Variants in RAP1B observed in about 807,000 individuals in gnomAD.
RAP1B encodes the protein ras-related protein Rap-1b.
In RAP1B, 1 loss-of-function variant was observed where a neutral mutation model predicts 27.5. The ratio of observed to expected loss-of-function variants is 0.04; its 90% CI spans 0.01 to 0.17. The LOEUF is 0.17. RAP1B is among the 10% of genes least tolerant of loss of function. The probability of loss-of-function intolerance (pLI) is 1.00; values close to 1 mark genes in which losing one functional copy is unlikely to be tolerated. For missense variants in RAP1B, 84 were observed against 214.8 expected (o/e 0.39, Z 3.81); for synonymous variants, 75 against 73.1 (o/e 1.03, Z -0.13).
intron 1 of RAP1B, among the ~76,000 whole-genome samples, chr12:68,621,283 C>T (rs1871368670): frequency 6.6e-6 from 1 of 152,192 alleles, no homozygotes; most frequent in Non-Finnish European, 1.5e-5. Context: ...TCTAGCAATT[C>T]TGAATTAGGG....
chr12:68,650,204 T>C, intron 2 of RAP1B, 196 bp from the exon 3 acceptor site: 1 of 410,600 alleles, frequency 2.4e-6, no homozygotes. Context: ...AGGAGCATAG[T>C]GATTATTTAT....
chr12:68,620,020 T>C (rs1346422479), intron 1 of RAP1B, among the ~76,000 whole-genome samples: 1 of 152,118 alleles, frequency 6.6e-6, no homozygotes, highest in East Asian at 1.9e-4. Context: ...TTTTAAAATA[T>C]TTGATAACTT....
In RAP1B at chr12:68,670,305, C is replaced by T. The variant is rs1376875110; in HGVS notation, c.*11056C>T. ...GCACAACTAACTATCTGTCTAAAGA[C>T]AATAAAAGTTCAACCCCTATATCAT... On this transcript the variant is annotated 3_prime_UTR_variant, in exon 8 of 8. Transcript: ENST00000250559. 2 of 152,050 alleles carry T rather than the reference C, an allele frequency of 1.3e-5. No individual in the cohort carries two copies. The highest frequency in any genetic ancestry group is 1.3e-4 in the Admixed American group (2 of 15,266). The allele number at this position is 152,050 out of a possible 1,614,324, so 9.4% of individuals were successfully genotyped here.
intron 1 of RAP1B, chr12:68,641,067 A>G (rs1388829936): frequency 1.3e-5 from 2 of 152,254 alleles, no homozygotes; most frequent in Admixed American, 6.5e-5. Context: ...GCTGGAGTGC[A>G]GTGGCACAAA....
At chr12:68,614,564 A>T (rs1160599245) in intron 1 of RAP1B, among the ~76,000 whole-genome samples, 1 of 152,238 alleles carries the variant, frequency 6.6e-6, no homozygotes, top group Admixed American at 6.5e-5. Flanking sequence ...ACTTTCTGAG[A>T]CATAGGTTGT....
At chr12:68,641,948 A>G (rs1873038888) in intron 1 of RAP1B, among the ~76,000 whole-genome samples, 1 of 152,210 alleles carries the variant, frequency 6.6e-6, no homozygotes, top group African/African-American at 2.4e-5. Context: ...ATAATTGTGT[A>G]TGTGCCTACA....
At chr12:68,645,732 C>T (rs1429659633) in intron 1 of RAP1B, among the ~76,000 whole-genome samples, 2 of 152,152 alleles carry the variant, frequency 1.3e-5, no homozygotes, top group African/African-American at 4.8e-5. Flanking sequence ...AGTTGGCATT[C>T]GCAATAAAAA....
intron 1 of RAP1B, among the ~76,000 whole-genome samples, chr12:68,645,168 T>C (rs988705560): frequency 6.6e-6 from 1 of 152,242 alleles, no homozygotes; most frequent in African/African-American, 2.4e-5. Flanking sequence ...ATCCCTATCC[T>C]CATGGAGTTT....
In RAP1B at chr12:68,650,615, C is replaced by T. The variant is rs145835503; in HGVS notation, c.126+147C>T. On this transcript the variant is annotated intron_variant, in intron 3 of 7. Coordinates refer to ENST00000250559, the MANE Select transcript of RAP1B (RefSeq NM_001010942.3). ...GAAAAGTTTACACTTTCTGGCATTG[C>T]ATAGTTACCAGTTTAAGAGGATCAT... is the stretch of plus-strand genomic sequence containing the variant. The T allele has an allele frequency of 9.3e-3, 6,718 of 723,148 alleles. 52 individuals carry two copies. Among genetic ancestry groups the T allele is most frequent in the Non-Finnish European group, 0.012 (5,904 of 503,964 alleles). 44.8% of individuals were successfully genotyped at this position (723,148 alleles called of 1,614,324 possible).
Position 68,670,163 on chromosome 12 carries a change from C to G in RAP1B, c.*10914C>G, listed in dbSNP as rs1354634816. The G allele has an allele frequency of 6.6e-6, 1 of 151,928 alleles. No homozygotes were observed. The highest frequency in any genetic ancestry group is 1.5e-5 in the Non-Finnish European group (1 of 68,020). The allele number at this position is 151,928 out of a possible 1,614,324, so 9.4% of individuals were successfully genotyped here. On this transcript the variant is annotated 3_prime_UTR_variant, in exon 8 of 8. Transcript: ENST00000250559. ...GTTGGTCAGGCTAGTTGCGAACTCC[C>G]AACCTCAGGTCATCTGCCCGCCTCA...
intron 1 of RAP1B, among the ~76,000 whole-genome samples, chr12:68,617,693 CTGT>C (rs1871124450): frequency 6.6e-6 from 1 of 152,126 alleles, no homozygotes; most frequent in Non-Finnish European, 1.5e-5. Flanking sequence ...TGATGACATA[CTGT>C]TGTTAGAGTT....
Position 68,666,045 on chromosome 12 carries a change from GT to G in RAP1B, c.*6799del, listed in dbSNP as rs1189308769. ...TTTTTCTATTTTTAGTAGAGACGGG[GT>G]TTCGCCATCTTGGCCAGGCTGGTCT... On this transcript the variant is annotated 3_prime_UTR_variant, in exon 8 of 8. Transcript: ENST00000250559. 2 of 152,176 alleles carry G rather than the reference GT, an allele frequency of 1.3e-5. No individual in the cohort carries two copies. Among genetic ancestry groups the G allele is most frequent in the Non-Finnish European group, 2.9e-5 (2 of 68,068 alleles). 9.4% of individuals were successfully genotyped at this position (152,176 alleles called of 1,614,324 possible). A position where few individuals can be genotyped will look rare whatever the true frequency, so the allele number is the denominator to read the frequency against.
intron 1 of RAP1B, among the ~76,000 whole-genome samples, chr12:68,624,337 A>G (rs1202081827): frequency 2.0e-5 from 3 of 152,222 alleles, no homozygotes; most frequent in African/African-American, 7.2e-5. Context: ...TTGAGAGCTC[A>G]TAACTACAGT....
intron 1 of RAP1B, among the ~76,000 whole-genome samples, chr12:68,617,436 G>A (rs1315204000): frequency 6.6e-6 from 1 of 152,168 alleles, no homozygotes; most frequent in Non-Finnish European, 1.5e-5. Flanking sequence ...TATAACATAT[G>A]TTATCTGTTG....
intron 6 of RAP1B, 78 bp downstream of exon 6, chr12:68,656,527 A>G (rs920213994): frequency 1.5e-5 from 21 of 1,414,050 alleles, no homozygotes; most frequent in Non-Finnish European, 2.0e-5. Flanking sequence ...CTTAACCCCA[A>G]GTTAATATGT....
At position 68,663,514 on chromosome 12, in the gene RAP1B, TAATC is replaced by T. The variant is rs1259590383; in HGVS notation, c.*4268_*4271del. 1 of 152,208 alleles carries T rather than the reference TAATC, an allele frequency of 6.6e-6. No individual in the cohort carries two copies. The highest frequency in any genetic ancestry group is 2.4e-5 in the African/African-American group (1 of 41,452). The allele number at this position is 152,208 out of a possible 1,614,324, so 9.4% of individuals were successfully genotyped here. ...GTTGAAACAAGACTACTAAACAGAT[TAATC>T]AACTAATTCCATAGGCTTGACATTA... On this transcript the variant is annotated 3_prime_UTR_variant, in exon 8 of 8. Coordinates refer to ENST00000250559, the MANE Select transcript of RAP1B (RefSeq NM_001010942.3).
At chr12:68,627,932 A>G (rs1050297669) in intron 1 of RAP1B, among the ~76,000 whole-genome samples, 1 of 151,974 alleles carries the variant, frequency 6.6e-6, no homozygotes, top group Admixed American at 6.6e-5. Context: ...AAGACCCTGT[A>G]TCTGCAAAAA....
chr12:68,647,791 A>T (rs1339965429), intron 1 of RAP1B, among the ~76,000 whole-genome samples: 1 of 152,124 alleles, frequency 6.6e-6, no homozygotes, highest in Non-Finnish European at 1.5e-5. Context: ...TTTCAGAAGT[A>T]AGGAACCCTC....
intron 6 of RAP1B, 122 bp from the exon 7 acceptor site, chr12:68,656,979 T>C: frequency 1.2e-6 from 1 of 840,722 alleles, no homozygotes; most frequent in South Asian, 1.7e-5. Flanking sequence ...TCTCATTCCT[T>C]AGCTGAACAA....
Sources: gnomAD v4.1 joint callset for allele counts (sites outside exome capture counted in the v4.1 genomes callset) on GRCh38, gnomAD v4.1.1 for gene constraint, MANE v1.5 for transcripts, NCBI Gene and HGNC (gene_info 2026-07-23, HGNC 2026-07-21) for gene names.